Variants in KIAA1671 observed in about 807,000 individuals in gnomAD.
KIAA1671 encodes uncharacterized protein KIAA1671.
In KIAA1671, 52 loss-of-function variants were observed where a neutral mutation model predicts 131.2. The observed-to-expected ratio is 0.40, with a 90% confidence interval of 0.32 to 0.50. The LOEUF (loss-of-function observed/expected upper bound fraction) is 0.50, where lower values mean the gene tolerates loss of function less well. Among genes scored for constraint, KIAA1671 ranks in the 20% least tolerant of loss-of-function variants. The pLI is 0.73. For missense variants in KIAA1671, 2,360 were observed against 2,364.2 expected (o/e 1.00, Z 0.04); for synonymous variants, 1,003 against 961.6 (o/e 1.04, Z -0.80).
chr22:25,151,597 A>G (rs1933047340), intron 6 of KIAA1671, among the ~76,000 whole-genome samples: 3 of 151,692 alleles, frequency 2.0e-5, no homozygotes, highest in Admixed American at 2.0e-4. Flanking sequence ...ACACCTGGCT[A>G]ATTTTTGTAT....
chr22:25,074,050 G>A (rs1928967791), intron 6 of KIAA1671, among the ~76,000 whole-genome samples: 1 of 152,092 alleles, frequency 6.6e-6, no homozygotes, highest in African/African-American at 2.4e-5. Flanking sequence ...ATAAGTGAGA[G>A]CATGTAGTAT....
chr22:25,156,634 G>A (rs1458932204), intron 6 of KIAA1671, among the ~76,000 whole-genome samples: 2 of 152,080 alleles, frequency 1.3e-5, no homozygotes, highest in African/African-American at 2.4e-5. Flanking sequence ...ATGTGTTTGT[G>A]TATATACTCA....
At chr22:25,031,619 G>C (rs866839502) in intron 3 of KIAA1671, among the ~76,000 whole-genome samples, 26 of 152,234 alleles carry the variant, frequency 1.7e-4, no homozygotes, top group Admixed American at 6.5e-4. Context: ...CATGAGCCAC[G>C]GCACCCGGCC....
chr22:25,147,830 T>G (rs941348349), intron 6 of KIAA1671, among the ~76,000 whole-genome samples: 3 of 152,158 alleles, frequency 2.0e-5, no homozygotes, highest in Non-Finnish European at 4.4e-5. Context: ...GAGCTCTCAT[T>G]CACTATTGCA....
intron 6 of KIAA1671, among the ~76,000 whole-genome samples, chr22:25,135,602 A>G (rs1289690012): frequency 6.6e-6 from 1 of 152,242 alleles, no homozygotes; most frequent in Non-Finnish European, 1.5e-5. Flanking sequence ...GAAGTCAGAC[A>G]TGTGACTAAT....
chr22:25,075,849 C>T (rs1418095666), intron 6 of KIAA1671, among the ~76,000 whole-genome samples: 1 of 149,766 alleles, frequency 6.7e-6, no homozygotes, highest in African/African-American at 2.5e-5. Context: ...GATCTCGACT[C>T]ACTGCAACCT....
At chr22:25,169,453 G>T (rs7285325) in intron 6 of KIAA1671, among the ~76,000 whole-genome samples, 2 of 148,686 alleles carry the variant, frequency 1.3e-5, no homozygotes, top group African/African-American at 5.0e-5. Context: ...GACTGAGAGC[G>T]TCATTCAAAG....
At chr22:25,064,974 C>G (rs1005746350) in intron 6 of KIAA1671, 1 of 152,170 alleles carries the variant, frequency 6.6e-6, no homozygotes, top group Non-Finnish European at 1.5e-5. Context: ...TCCTACTGTA[C>G]CCGAAGAGAG....
chr22:25,053,630 G>C (rs1451808989), intron 6 of KIAA1671: 6 of 152,192 alleles, frequency 3.9e-5, no homozygotes, highest in African/African-American at 1.4e-4. Context: ...GGGGCCTGGA[G>C]ATTTTCTCCG....
intron 1 of KIAA1671, among the ~76,000 whole-genome samples, chr22:24,967,947 CAT>C (rs1922392138): frequency 1.3e-5 from 2 of 152,086 alleles, no homozygotes; most frequent in Admixed American, 6.5e-5. Context: ...GAACCGAGAT[CAT>C]GCCACTGCAC....
intron 12 of KIAA1671, among the ~76,000 whole-genome samples, chr22:25,191,545 C>T (rs765341555): frequency 7.9e-4 from 120 of 152,156 alleles, no homozygotes; most frequent in Non-Finnish European, 1.4e-3. Flanking sequence ...TTAAAAATTA[C>T]GATTAGATAG....
chr22:25,052,127 C>G (rs1262104188), intron 6 of KIAA1671: 1 of 152,874 alleles, frequency 6.5e-6, no homozygotes, highest in African/African-American at 2.4e-5. Context: ...CCCTGCCAGC[C>G]CCTGCCAGCT....
rs886130979 is a variant in KIAA1671 at position 24,957,671 on chromosome 22, CTT to C, written c.-208+4921_-208+4922del. On this transcript the variant is annotated intron_variant, in intron 1 of 12. Transcript: ENST00000358431. ...GAATCTGGGCTAAGCTCTTTTGTTC[CTT>C]TTTTTTTTTTTTTTTTTTTTTGAGA... Among the ~76,000 whole-genome samples the C allele has an allele frequency of 5.1e-3, 511 of 100,280 alleles. 2 individuals carry two copies. The highest frequency in any genetic ancestry group is 0.02 in the African/African-American group (476 of 23,420). 65.8% of individuals were successfully genotyped at this position (100,280 alleles called of 152,430 possible).
At chr22:24,995,195 T>C (rs1171451403) in intron 1 of KIAA1671, among the ~76,000 whole-genome samples, 2 of 150,256 alleles carry the variant, frequency 1.3e-5, no homozygotes, top group Non-Finnish European at 3.0e-5. Context: ...GGACTACAAG[T>C]GCCCGCCACC....
chr22:25,091,911 T>C (rs1379919449), intron 6 of KIAA1671, among the ~76,000 whole-genome samples: 2 of 152,178 alleles, frequency 1.3e-5, no homozygotes, highest in Non-Finnish European at 2.9e-5. Flanking sequence ...ACCTCTGTTG[T>C]AGAGATGGAC....
intron 6 of KIAA1671, among the ~76,000 whole-genome samples, chr22:25,074,436 C>T (rs765577219): frequency 9.7e-5 from 13 of 133,854 alleles, no homozygotes; most frequent in African/African-American, 2.7e-4. Context: ...ACTTGGGAGC[C>T]GGAGGTTGCA....
At chr22:25,169,441 G>T (rs1487216772) in intron 6 of KIAA1671, among the ~76,000 whole-genome samples, 1 of 137,414 alleles carries the variant, frequency 7.3e-6, no homozygotes, top group African/African-American at 2.8e-5. Context: ...AAAAAAAAAG[G>T]TGACTGAGAG....
At chr22:25,007,302 A>C (rs1255403781) in intron 1 of KIAA1671, among the ~76,000 whole-genome samples, 1 of 152,072 alleles carries the variant, frequency 6.6e-6, no homozygotes, top group East Asian at 1.9e-4. Context: ...CCTGGCCAAC[A>C]TGGTGAAACC....
At chr22:24,992,506 T>C (rs1430754262) in intron 1 of KIAA1671, among the ~76,000 whole-genome samples, 2 of 151,974 alleles carry the variant, frequency 1.3e-5, no homozygotes, top group Non-Finnish European at 2.9e-5. Flanking sequence ...AGGAGACTGG[T>C]AAAAGTTTGA....
Sources: allele counts gnomAD v4.1 joint callset (sites outside exome capture counted in the v4.1 genomes callset), GRCh38; gene constraint gnomAD v4.1.1; transcripts MANE v1.5; gene names NCBI Gene and HGNC (gene_info 2026-07-23, HGNC 2026-07-21).